KPNA5: variants seen among roughly 807,000 people sequenced by gnomAD.
KPNA5 encodes karyopherin subunit alpha 5.
In KPNA5, 46 loss-of-function variants were observed where a neutral mutation model predicts 71.3. The ratio of observed to expected loss-of-function variants is 0.65; its 90% CI spans 0.51 to 0.83. The LOEUF is 0.83. KPNA5 is among the 40% of genes least tolerant of loss of function. KPNA5 has a pLI of 0.00. For missense variants in KPNA5, 547 were observed against 628.3 expected (o/e 0.87, Z 1.38); for synonymous variants, 207 against 201.4 (o/e 1.03, Z -0.24).
chr6:116,729,322 T>C (rs1197963584), intron 12 of KPNA5, among the ~76,000 whole-genome samples: 1 of 151,984 alleles, frequency 6.6e-6, no homozygotes, highest in Non-Finnish European at 1.5e-5. Flanking sequence ...TTTATAGTCT[T>C]TGCAAGACCA....
At chr6:116,682,800 A>G (rs1336107846) in intron 1 of KPNA5, among the ~76,000 whole-genome samples, 3 of 152,262 alleles carry the variant, frequency 2.0e-5, no homozygotes, top group Non-Finnish European at 4.4e-5. Flanking sequence ...TTTAATTTTT[A>G]TGAGACCTCA....
At chr6:116,727,086 CT>C (rs968009982) in intron 12 of KPNA5, among the ~76,000 whole-genome samples, 2 of 151,614 alleles carry the variant, frequency 1.3e-5, no homozygotes, top group African/African-American at 4.8e-5. Flanking sequence ...TACTAGTTAC[CT>C]TTTTTTTATA....
At position 116,689,332 on chromosome 6, in the gene KPNA5, G is replaced by C. The variant is rs1293400033; in HGVS notation, c.17G>C (p.Ser6Thr). ...TCCTTCCTTTAAGATGCCATGGCTA[G>C]TCCAGGGAAAGATAACTATAGAATG... MDAMA[S>T]PGKDNYRMKS... is the part of the protein sequence containing the mutation. Residue 6 changes from serine (S) to threonine (T), a missense_variant, in exon 2 of 14, where the codon AGT becomes ACT. Physicochemically the swap from Ser to Thr is moderately conservative, Grantham distance 58. Transcript: ENST00000368564. 1.2e-6 allele frequency: 2 copies of C among 1,604,106 alleles called. No individual in the cohort carries two copies. Among genetic ancestry groups the C allele is most frequent in the Non-Finnish European group, 8.5e-7 (1 of 1,177,392 alleles).
At chr6:116,725,635 CCTTT>C (rs1320553285) in intron 10 of KPNA5, 112 bp from the exon 11 acceptor site, 2 of 939,480 alleles carry the variant, frequency 2.1e-6, no homozygotes, top group South Asian at 2.0e-5. Flanking sequence ...AGGAATTTCT[CCTTT>C]CTTAATTTCA....
rs1394518266 is a variant in KPNA5, at chr6:116,740,645, C to A, written c.*8322C>A. 1 of 152,032 alleles carries A rather than the reference C, an allele frequency of 6.6e-6. No homozygotes were observed. Among genetic ancestry groups the A allele is most frequent in the African/African-American group, 2.4e-5 (1 of 41,370 alleles). 9.4% of individuals were successfully genotyped at this position (152,032 alleles called of 1,614,324 possible). ...TTAAGAAAATGTGGCACATATACAC[C>A]ATGGAATACTATGCAGCCATAAAAA... On this transcript the variant is annotated 3_prime_UTR_variant, in exon 14 of 14. Transcript: ENST00000368564.
At position 116,689,316 on chromosome 6, in the gene KPNA5, T is replaced by G. The variant is rs765112757; in HGVS notation, c.5-4T>G. On this transcript the variant is annotated splice_polypyrimidine_tract_variant and splice_region_variant and intron_variant, in intron 1 of 13. Coordinates refer to ENST00000368564, the MANE Select transcript of KPNA5 (RefSeq NM_001366306.2). ...TGTCTGTTTTCTTTTCTCCTTCCTT[T>G]AAGATGCCATGGCTAGTCCAGGGAA... is the stretch of plus-strand genomic sequence containing the variant. The G allele has an allele frequency of 2.5e-6, 4 of 1,598,922 alleles. No individual in the cohort carries two copies. In the Admixed American group the frequency reaches 5.4e-5, roughly 22 times the overall value.
intron 13 of KPNA5, among the ~76,000 whole-genome samples, chr6:116,730,979 A>T (rs931162735): frequency 6.6e-6 from 1 of 151,938 alleles, no homozygotes; most frequent in South Asian, 2.1e-4. Flanking sequence ...TTAATAAAAC[A>T]TACCATGTTC....
At chr6:116,719,219 ATTTG>A (rs542308540) in intron 8 of KPNA5, among the ~76,000 whole-genome samples, 9 of 151,722 alleles carry the variant, frequency 5.9e-5, no homozygotes, top group African/African-American at 1.2e-4. Flanking sequence ...TTATAGTGTT[ATTTG>A]TTTGTTTGTT....
intron 1 of KPNA5, 67 bp from the exon 2 acceptor site, chr6:116,689,253 T>G: frequency 6.6e-7 from 1 of 1,521,866 alleles, no homozygotes; most frequent in Non-Finnish European, 8.8e-7. Flanking sequence ...GTTGCTAGAT[T>G]AAGTGTCTCA....
chr6:116,693,069 C>T (rs190974114), intron 4 of KPNA5, among the ~76,000 whole-genome samples: 1 of 152,298 alleles, frequency 6.6e-6, no homozygotes, highest in African/African-American at 2.4e-5. Flanking sequence ...ATGAACTCAT[C>T]CTTTTTTATG....
At position 116,736,463 on chromosome 6, in the gene KPNA5, G is replaced by C. The variant is rs1004167252; in HGVS notation, c.*4140G>C. On this transcript the variant is annotated 3_prime_UTR_variant, in exon 14 of 14. Coordinates refer to ENST00000368564, the MANE Select transcript of KPNA5 (RefSeq NM_001366306.2). The stretch of plus-strand genomic sequence containing the variant: ...TGTGCTGCCATCACCATAAGCAAAA[G>C]TTCACTTTTTTACTGGCACTAGCCA... 5.3e-5 allele frequency: 8 copies of C among 151,896 alleles called. No homozygotes were observed. Among genetic ancestry groups the C allele is most frequent in the Admixed American group, 1.3e-4 (2 of 15,198 alleles). The allele number at this position is 151,896 out of a possible 1,614,324, so 9.4% of individuals were successfully genotyped here.
At chr6:116,699,724 A>T (rs1778160342) in intron 5 of KPNA5, among the ~76,000 whole-genome samples, 1 of 152,236 alleles carries the variant, frequency 6.6e-6, no homozygotes, top group South Asian at 2.1e-4. Flanking sequence ...ATCTGGTTCC[A>T]TTCCTTTATA....
chr6:116,681,421 T>A lies in KPNA5; in HGVS notation c.4+83T>A, dbSNP rs541818822. The A allele has an allele frequency of 5.1e-5, 75 of 1,473,206 alleles. No individual in the cohort carries two copies. The African/African-American group carries it at 9.8e-4, about 19-fold the overall frequency. The allele number at this position is 1,473,206 out of a possible 1,614,324, so 91.3% of individuals were successfully genotyped here. A position where few individuals can be genotyped will look rare whatever the true frequency, so the allele number is the denominator to read the frequency against. The stretch of plus-strand genomic sequence containing the variant: ...AACTACTAGTTCCTGGGGCCACGGT[T>A]TTTATTTACCCCTTACTTTGCGAAG... On this transcript the variant is annotated intron_variant, in intron 1 of 13. Coordinates refer to ENST00000368564, the MANE Select transcript of KPNA5 (RefSeq NM_001366306.2).
In KPNA5 at chr6:116,725,865, G is replaced by A. The variant is rs1449358192; in HGVS notation, c.1114G>A (p.Ala372Thr). 6.2e-7 allele frequency: 1 copy of A among 1,612,766 alleles called. No individual in the cohort carries two copies. Among genetic ancestry groups the A allele is most frequent in the Non-Finnish European group, 8.5e-7 (1 of 1,179,396 alleles). ...TVSNITAGNRAQIQAVIDANI... is the reference protein window; with the variant it reads ...TVSNITAGNRTQIQAVIDANI... ...TTCTAACATCACTGCTGGAAATAGA[G>A]CTCAGATTCAGGTAACTACCCTTCA... Residue 372 changes from alanine (A) to threonine (T), a missense_variant, in exon 11 of 14, where the codon GCT becomes ACT. Physicochemically the swap from Ala to Thr is moderately conservative, Grantham distance 58. Coordinates refer to ENST00000368564, the MANE Select transcript of KPNA5 (RefSeq NM_001366306.2).
intron 7 of KPNA5, among the ~76,000 whole-genome samples, chr6:116,712,964 A>G (rs948247987): frequency 1.3e-5 from 2 of 152,104 alleles, no homozygotes; most frequent in African/African-American, 4.8e-5. Context: ...CACTACTCCT[A>G]TACATATCTG....
rs1779847297 is a variant in KPNA5, at chr6:116,740,838, CT to C, written c.*8516del. The C allele has an allele frequency of 1.2e-5, 1 of 86,450 alleles. No homozygotes were observed. The highest frequency in any genetic ancestry group is 4.2e-4 in the South Asian group (1 of 2,390). The allele number at this position is 86,450 out of a possible 1,614,324, so 5.4% of individuals were successfully genotyped here. On this transcript the variant is annotated 3_prime_UTR_variant, in exon 14 of 14. Transcript: ENST00000368564. ...GAAGGGGAACATCACACTCTGGGGACTGTTGTGGGGTTGGGGGAGGGGGGAG... is the reference window on the plus strand; with the variant it reads ...GAAGGGGAACATCACACTCTGGGGACGTTGTGGGGTTGGGGGAGGGGGGAG...
intron 8 of KPNA5, 144 bp from the exon 9 acceptor site, chr6:116,721,982 C>A: frequency 1.9e-6 from 1 of 527,480 alleles, no homozygotes. Context: ...ATTCATACAT[C>A]TGATTATAAT....
intron 11 of KPNA5, 69 bp downstream of exon 11, chr6:116,725,945 CTT>C (rs1779271773): frequency 3.3e-6 from 5 of 1,510,320 alleles, no homozygotes; most frequent in Non-Finnish European, 4.5e-6. Context: ...AAAGTTAACA[CTT>C]TTACTAAAAA....
intron 2 of KPNA5, among the ~76,000 whole-genome samples, 176 bp from the exon 3 acceptor site, chr6:116,691,879 T>A (rs988374420): frequency 1.8e-4 from 27 of 152,354 alleles, no homozygotes; most frequent in African/African-American, 6.3e-4. Context: ...ATTTGACTTC[T>A]CATAAATACC....
Sources: allele counts gnomAD v4.1 joint callset (sites outside exome capture counted in the v4.1 genomes callset), GRCh38; gene constraint gnomAD v4.1.1; transcripts MANE v1.5; gene names NCBI Gene and HGNC (gene_info 2026-07-23, HGNC 2026-07-21).